DAB2: variants seen among roughly 807,000 people sequenced by gnomAD.
DAB2 encodes the protein disabled homolog 2.
In DAB2, 28 loss-of-function variants were observed where a neutral mutation model predicts 71.6. The ratio of observed to expected loss-of-function variants is 0.39; its 90% CI spans 0.29 to 0.54. The LOEUF is 0.54. DAB2 is among the 20% of genes least tolerant of loss of function. The probability of loss-of-function intolerance (pLI) is 0.68; values close to 1 mark genes in which losing one functional copy is unlikely to be tolerated. For synonymous variants in DAB2, 345 were observed against 339.7 expected, an observed-to-expected ratio of 1.02 and a Z score of -0.17; for missense variants, 867 against 928.8, an observed-to-expected ratio of 0.93 and a Z score of 0.86.
At chr5:39,416,057 A>T (rs1755838263) in intron 1 of DAB2, among the ~76,000 whole-genome samples, 1 of 150,860 alleles carries the variant, frequency 6.6e-6, no homozygotes, top group Non-Finnish European at 1.5e-5. Context: ...CCTCCCCATC[A>T]TATTTTTTTT....
chr5:39,423,437 C>T (rs1317005209), intron 1 of DAB2, among the ~76,000 whole-genome samples: 1 of 152,256 alleles, frequency 6.6e-6, no homozygotes, highest in African/African-American at 2.4e-5. Flanking sequence ...GTGGGCGGGG[C>T]ACCTGGCTCA....
chr5:39,389,000 G>C (rs779920697), intron 7 of DAB2, 97 bp downstream of exon 7: 44 of 1,339,696 alleles, frequency 3.3e-5, no homozygotes, highest in Non-Finnish European at 4.3e-5. Context: ...TAAACACATA[G>C]TAATAAGCGA....
intron 9 of DAB2, chr5:39,385,556 T>C (rs2112043332): frequency 6.6e-6 from 1 of 152,412 alleles, no homozygotes; most frequent in South Asian, 2.1e-4. Context: ...CAGCGCCTCA[T>C]TCATTCTTTG....
At chr5:39,418,491 G>A (rs916975543) in intron 1 of DAB2, 1 of 152,178 alleles carries the variant, frequency 6.6e-6, no homozygotes, top group African/African-American at 2.4e-5. Context: ...GAGGGCAGCT[G>A]TGTTCAATAT....
intron 8 of DAB2, 116 bp downstream of exon 8, chr5:39,388,683 T>C: frequency 8.5e-6 from 7 of 827,366 alleles, no homozygotes; most frequent in Non-Finnish European, 9.7e-6. Flanking sequence ...AAAACAGTTG[T>C]CTCAATTGGA....
chr5:39,392,295 G>A (rs1379568490), intron 4 of DAB2, 70 bp downstream of exon 4: 8 of 1,195,192 alleles, frequency 6.7e-6, no homozygotes, highest in South Asian at 2.4e-5. Context: ...AAGGGGAGCC[G>A]AAATTCAAGT....
chr5:39,381,721 G>C, intron 10 of DAB2, 105 bp from the exon 11 acceptor site: 1 of 1,301,808 alleles, frequency 7.7e-7, no homozygotes, highest in South Asian at 1.5e-5. Flanking sequence ...GCCACAAAAA[G>C]GAAAACTTTT....
At position 39,383,299 on chromosome 5, in the gene DAB2, A is replaced by G. The variant is rs1160503158; in HGVS notation, c.688-28T>C. 3.3e-6 allele frequency: 5 copies of G among 1,524,350 alleles called. No individual in the cohort carries two copies. The Admixed American group carries it at 7.6e-5, about 23-fold the overall frequency. The allele number at this position is 1,524,350 out of a possible 1,614,324, so 94.4% of individuals were successfully genotyped here. ...ATCACATTTGGAAAGAAAAAAAAAG[A>G]AAGTGTTAGTCCATGTTGTGACTTC... On this transcript the variant is annotated intron_variant, in intron 9 of 14. Coordinates refer to ENST00000320816, the MANE Select transcript of DAB2 (RefSeq NM_001343.4).
At chr5:39,377,467 G>T (rs1219070358) in intron 11 of DAB2, among the ~76,000 whole-genome samples, 185 bp from the exon 12 acceptor site, 1 of 152,090 alleles carries the variant, frequency 6.6e-6, no homozygotes, top group Admixed American at 6.5e-5. Context: ...ACTGTATAGT[G>T]AGCATTCAAA....
chr5:39,411,692 A>G (rs1755734853), intron 1 of DAB2, among the ~76,000 whole-genome samples: 1 of 152,172 alleles, frequency 6.6e-6, no homozygotes, highest in Non-Finnish European at 1.5e-5. Context: ...GAAAGCCACT[A>G]TTAAGTTCCT....
At chr5:39,403,104 G>A (rs1018247305) in intron 1 of DAB2, among the ~76,000 whole-genome samples, 5 of 152,286 alleles carry the variant, frequency 3.3e-5, no homozygotes, top group African/African-American at 7.2e-5. Context: ...TGTGAGGTGC[G>A]ATGGTTTACT....
chr5:39,389,896 GA>G lies in DAB2; in HGVS notation c.498del (p.Gln167LysfsTer6). ...EPLVVDLKDL[F>X]QVIYNVKKKE... ...TTTTTCTTTACATTATAGATAACTT[GA>G]AAAAGGTCTTTAAGATCAACAACTA... On this transcript the variant is annotated frameshift_variant, in exon 6 of 15. Coordinates refer to ENST00000320816, the MANE Select transcript of DAB2 (RefSeq NM_001343.4). LOFTEE classifies it high-confidence loss of function. 5 of 1,594,840 alleles carry G rather than the reference GA, an allele frequency of 3.1e-6. No homozygotes were observed. Among genetic ancestry groups the G allele is most frequent in the Admixed American group, 1.7e-5 (1 of 57,146 alleles).
chr5:39,417,192 A>ATG (rs1044347521), intron 1 of DAB2: 3 of 152,088 alleles, frequency 2.0e-5, no homozygotes, highest in Non-Finnish European at 2.9e-5. Context: ...GAAATACCTA[A>ATG]TGTAGGTGAT....
chr5:39,397,473 C>T (rs1046681588), intron 1 of DAB2, among the ~76,000 whole-genome samples: 1 of 152,282 alleles, frequency 6.6e-6, no homozygotes, highest in Non-Finnish European at 1.5e-5. Context: ...TTGATCTTCT[C>T]TTCTTACTCT....
rs996547769 is a variant in DAB2, at chr5:39,387,959, G to A, written c.687+346C>T. On this transcript the variant is annotated intron_variant, in intron 9 of 14. Coordinates refer to ENST00000320816, the MANE Select transcript of DAB2 (RefSeq NM_001343.4). The stretch of plus-strand genomic sequence containing the variant: ...TGCAAAAGAAATGAAGAGGCCAGGA[G>A]GCTTTATGATTAACCATCTAACAGT... 24 of 173,456 alleles carry A rather than the reference G, an allele frequency of 1.4e-4. No homozygotes were observed. In the Admixed American group the frequency reaches 1.4e-3, roughly 10 times the overall value. The allele number at this position is 173,456 out of a possible 1,614,324, so 10.7% of individuals were successfully genotyped here.
At chr5:39,385,443 T>C (rs894847860) in intron 9 of DAB2, 1 of 152,176 alleles carries the variant, frequency 6.6e-6, no homozygotes, top group Admixed American at 6.5e-5. Flanking sequence ...AAGTAAAATG[T>C]ATAAGGCTCT....
intron 13 of DAB2, 42 bp downstream of exon 13, chr5:39,375,955 G>T: frequency 7.1e-7 from 1 of 1,407,672 alleles, no homozygotes; most frequent in Non-Finnish European, 1.0e-6. Flanking sequence ...AGCTCTATGT[G>T]GCATGTACTT....
chr5:39,377,218 C>G lies in DAB2; in HGVS notation c.1569G>C (p.Gln523His), dbSNP rs144488744. The G allele has an allele frequency of 2.4e-4, 381 of 1,614,088 alleles. 1 individual carries two copies. In the African/African-American group the frequency reaches 4.7e-3, roughly 20 times the overall value. ...PWNTASLVFN[Q>H]SPSMAPGAMM... ...TGGCTCCCGGAGCCATTGAAGGGGA[C>G]TGATTGAAGACCAAAGATGCTGTGT... Residue 523 changes from glutamine to histidine, a missense_variant, in exon 12 of 15, where the codon CAG (glutamine) becomes CAC (histidine). Transcript: ENST00000320816.
At chr5:39,374,583 A>G (rs955897072) in intron 14 of DAB2, among the ~76,000 whole-genome samples, 6 of 152,340 alleles carry the variant, frequency 3.9e-5, no homozygotes, top group Middle Eastern at 3.4e-3. Context: ...AGAAGTAATG[A>G]TCATAATCTG....
Sources: allele counts gnomAD v4.1 joint callset (sites outside exome capture counted in the v4.1 genomes callset), GRCh38; gene constraint gnomAD v4.1.1; transcripts MANE v1.5; gene names NCBI Gene and HGNC (gene_info 2026-07-23, HGNC 2026-07-21).